ACTR2: variants seen among roughly 807,000 people sequenced by gnomAD.
ACTR2 encodes actin-related protein 2.
A neutral mutation model predicts 50.2 loss-of-function variants in ACTR2; 5 were observed. That is an observed-to-expected ratio of 0.10 (90% CI 0.05 to 0.21). ACTR2 has a LOEUF of 0.21. Ranked by LOEUF, ACTR2 falls within the 10% of genes least tolerant of loss-of-function variation. The pLI, the probability that ACTR2 is intolerant of heterozygous loss-of-function variation, is 1.00. For missense variants in ACTR2, 180 were observed against 480.6 expected, an observed-to-expected ratio of 0.37 and a Z score of 5.85; for synonymous variants, 140 against 162.9, an observed-to-expected ratio of 0.86 and a Z score of 1.07.
intron 7 of ACTR2, among the ~76,000 whole-genome samples, chr2:65,262,333 G>A (rs1672283314): frequency 6.6e-6 from 1 of 151,680 alleles, no homozygotes; most frequent in South Asian, 2.1e-4. Context: ...GTTTTCAAGC[G>A]ATTCTCCTGC....
intron 2 of ACTR2, 164 bp from the exon 3 acceptor site, chr2:65,246,360 A>G (rs1162038228): frequency 7.2e-6 from 4 of 557,524 alleles, no homozygotes; most frequent in African/African-American, 1.9e-5. Context: ...TGTATTATCC[A>G]TGATTAAACT....
chr2:65,239,821 A>G, intron 1 of ACTR2, 31 bp from the exon 2 acceptor site: 1 of 1,288,718 alleles, frequency 7.8e-7, no homozygotes, highest in East Asian at 2.3e-5. Context: ...TCCTGATGCT[A>G]ACCCACTTTT....
rs574898969 is a variant in ACTR2 at position 65,234,234 on chromosome 2, A to G, written c.49-5618A>G. Among the ~76,000 whole-genome samples, 10 of 152,228 alleles carry G rather than the reference A, an allele frequency of 6.6e-5. No individual in the cohort carries two copies. In the East Asian group the frequency reaches 1.5e-3, roughly 23 times the overall value. The stretch of plus-strand genomic sequence containing the variant: ...GCCAATTATTTTAGTTCTTGTTATT[A>G]TAACTGTTAATGTTTTCACTTTTGA... On this transcript the variant is annotated intron_variant, in intron 1 of 8. Transcript: ENST00000260641.
intron 6 of ACTR2, among the ~76,000 whole-genome samples, chr2:65,259,034 AT>A (rs1181784174): frequency 1.3e-5 from 2 of 151,640 alleles, no homozygotes; most frequent in African/African-American, 4.9e-5. Flanking sequence ...GTGCAGTGGC[AT>A]GATCTCGGCT....
intron 6 of ACTR2, among the ~76,000 whole-genome samples, chr2:65,258,720 T>A (rs17703539): frequency 2.5e-3 from 378 of 152,148 alleles, no homozygotes; most frequent in Middle Eastern, 6.8e-3. Flanking sequence ...CAGGATAAGA[T>A]TTGGTGCAAA....
intron 6 of ACTR2, among the ~76,000 whole-genome samples, chr2:65,256,874 TA>T (rs57631144): frequency 0.3 from 39,699 of 133,180 alleles, 6,162 homozygotes; most frequent in East Asian, 0.65. Flanking sequence ...TCCATGTCGG[TA>T]AAAAAAAAAA....
chr2:65,259,046 C>T (rs1459914008), intron 6 of ACTR2, among the ~76,000 whole-genome samples: 1 of 151,848 alleles, frequency 6.6e-6, no homozygotes, highest in Non-Finnish European at 1.5e-5. Flanking sequence ...GATCTCGGCT[C>T]ACTTCAGTCT....
At chr2:65,253,074 C>T (rs1672083327) in intron 4 of ACTR2, among the ~76,000 whole-genome samples, 1 of 152,088 alleles carries the variant, frequency 6.6e-6, no homozygotes, top group African/African-American at 2.4e-5. Context: ...TTCCAGAACA[C>T]ACAGTATATG....
At chr2:65,229,649 G>A (rs1434699092) in intron 1 of ACTR2, among the ~76,000 whole-genome samples, 1 of 151,048 alleles carries the variant, frequency 6.6e-6, no homozygotes, top group Non-Finnish European at 1.5e-5. Context: ...CCAGCTACTC[G>A]GTAGGCTGAG....
chr2:65,248,510 G>A (rs1671984777), intron 3 of ACTR2, among the ~76,000 whole-genome samples: 2 of 152,178 alleles, frequency 1.3e-5, no homozygotes, highest in African/African-American at 4.8e-5. Context: ...ATCCCACAAG[G>A]AGGCAAAGAT....
At chr2:65,239,281 C>T (rs989054452) in intron 1 of ACTR2, among the ~76,000 whole-genome samples, 1 of 152,134 alleles carries the variant, frequency 6.6e-6, no homozygotes, top group Non-Finnish European at 1.5e-5. Flanking sequence ...ATGGAGAAAC[C>T]CCGTCTCTAC....
chr2:65,228,227 C>T (rs965906627), intron 1 of ACTR2: 1 of 370,410 alleles, frequency 2.7e-6, no homozygotes, highest in Non-Finnish European at 4.8e-6. Context: ...TACTGACCGC[C>T]CGGCAGGGAC....
chr2:65,267,326 C>CA (rs1386309768), intron 8 of ACTR2, among the ~76,000 whole-genome samples: 1 of 151,882 alleles, frequency 6.6e-6, no homozygotes. Context: ...TGGCCCTTCA[C>CA]AAAAAAAGTT....
At chr2:65,260,477 G>T (rs1672247696) in intron 6 of ACTR2, among the ~76,000 whole-genome samples, 1 of 152,222 alleles carries the variant, frequency 6.6e-6, no homozygotes. Flanking sequence ...TTGCACTCCA[G>T]CCTGGGCGAC....
At chr2:65,242,961 G>C (rs143674298) in intron 2 of ACTR2, among the ~76,000 whole-genome samples, 25 of 152,292 alleles carry the variant, frequency 1.6e-4, no homozygotes, top group African/African-American at 2.6e-4. Context: ...CATAACATTT[G>C]TGTTTATATT....
intron 6 of ACTR2, among the ~76,000 whole-genome samples, chr2:65,258,425 A>G (rs1239854658): frequency 6.6e-6 from 1 of 151,808 alleles, no homozygotes; most frequent in African/African-American, 2.4e-5. Context: ...AAAAAATACA[A>G]AAATTTGCCA....
chr2:65,241,132 T>G (rs914919441), intron 2 of ACTR2, among the ~76,000 whole-genome samples: 7 of 152,152 alleles, frequency 4.6e-5, no homozygotes, highest in African/African-American at 1.7e-4. Flanking sequence ...GATTCCTTAC[T>G]TGCTTATTGT....
At chr2:65,239,465 CA>C (rs538436829) in intron 1 of ACTR2, among the ~76,000 whole-genome samples, 3 of 152,070 alleles carry the variant, frequency 2.0e-5, no homozygotes, top group African/African-American at 7.2e-5. Context: ...AAAACAAAAA[CA>C]AAAAAAACCT....
intron 7 of ACTR2, 103 bp downstream of exon 7, chr2:65,261,495 G>A (rs967719333): frequency 5.3e-6 from 6 of 1,129,546 alleles, no homozygotes; most frequent in African/African-American, 1.6e-5. Flanking sequence ...GAATGACTAA[G>A]TTTATAAACT....
Sources: allele counts gnomAD v4.1 joint callset (sites outside exome capture counted in the v4.1 genomes callset), GRCh38; gene constraint gnomAD v4.1.1; transcripts MANE v1.5; gene names NCBI Gene and HGNC (gene_info 2026-07-23, HGNC 2026-07-21).